Variants in CUL5 observed in about 807,000 individuals in gnomAD.
The protein encoded by CUL5 is cullin-5.
A neutral mutation model predicts 108.8 loss-of-function variants in CUL5; 26 were observed. The observed-to-expected ratio is 0.24, with a 90% CI of 0.18 to 0.33. The LOEUF (loss-of-function observed/expected upper bound fraction) is 0.33, where lower values mean the gene tolerates loss of function less well. CUL5 is among the 10% of genes least tolerant of loss of function. The pLI is 1.00. For synonymous variants in CUL5, 334 were observed against 298.0 expected, an observed-to-expected ratio of 1.12 and a Z score of -1.25; for missense variants, 524 against 909.2, an observed-to-expected ratio of 0.58 and a Z score of 5.45.
At chr11:108,098,348 TA>T in intron 17 of CUL5, 57 bp from the exon 18 acceptor site, 7 of 1,456,178 alleles carry the variant, frequency 4.8e-6, no homozygotes, top group Non-Finnish European at 6.6e-6. Context: ...ATTGTTGCTA[TA>T]ATAGGATTTT....
At position 108,089,536 on chromosome 11, in the gene CUL5, G is replaced by A; in HGVS notation, c.1356G>A (p.Arg452=). ...TACAGAACAAAGATGTTTTTATGAG[G>A]TATCATAAAGCTCATTTGACACGAC... ...KYVQNKDVFM[R]YHKAHLTRRL... Residue 452 remains arginine, a synonymous_variant, in exon 13 of 19, where the codon AGG becomes AGA. Coordinates refer to ENST00000393094, the MANE Select transcript of CUL5 (RefSeq NM_003478.6). 6.4e-7 allele frequency: 1 copy of A among 1,550,638 alleles called. No individual in the cohort carries two copies. The highest frequency in any genetic ancestry group is 1.2e-5 in the South Asian group (1 of 81,042).
At position 108,101,133 on chromosome 11, in the gene CUL5, A is replaced by G. The variant is rs138673197; in HGVS notation, c.2148+2604A>G. ...TTAATGTGACCCATAATTATGTACA[A>G]TCCAATAATCTAAGCTGTCTTTAGG... On this transcript the variant is annotated intron_variant, in intron 18 of 18. Transcript: ENST00000393094. Among the ~76,000 whole-genome samples, 851 of 152,356 alleles carry G rather than the reference A, an allele frequency of 5.6e-3. 9 individuals carry two copies. The highest frequency in any genetic ancestry group is 0.019 in the African/African-American group (808 of 41,576).
intron 3 of CUL5, among the ~76,000 whole-genome samples, chr11:108,049,290 T>G (rs564747947): frequency 6.6e-6 from 1 of 152,266 alleles, no homozygotes; most frequent in Admixed American, 6.5e-5. Context: ...CTGAATAATA[T>G]CTATTGTTTG....
At chr11:108,032,601 C>CTCTT (rs202168252) in intron 1 of CUL5, among the ~76,000 whole-genome samples, 6 of 151,346 alleles carry the variant, frequency 4.0e-5, no homozygotes, top group Non-Finnish European at 7.4e-5. Flanking sequence ...CTCTCTCTCT[C>CTCTT]TGTTTTTGGC....
chr11:108,101,681 T>G (rs531436660), intron 18 of CUL5, among the ~76,000 whole-genome samples: 1 of 152,342 alleles, frequency 6.6e-6, no homozygotes, highest in South Asian at 2.1e-4. Flanking sequence ...GTGCAGATTA[T>G]TTCCCTCATA....
intron 16 of CUL5, among the ~76,000 whole-genome samples, chr11:108,096,713 T>C (rs1457708729): frequency 6.6e-6 from 1 of 151,132 alleles, no homozygotes; most frequent in African/African-American, 2.4e-5. Context: ...ATTACAGGCA[T>C]GTGCCACCAC....
At chr11:108,097,847 TA>T in intron 17 of CUL5, 93 bp downstream of exon 17, 2 of 677,364 alleles carry the variant, frequency 3.0e-6, no homozygotes, top group Non-Finnish European at 5.2e-6. Context: ...ACATTATATT[TA>T]AAACATTATA....
chr11:108,100,477 G>A (rs1274163232), intron 18 of CUL5, among the ~76,000 whole-genome samples: 5 of 152,162 alleles, frequency 3.3e-5, no homozygotes, highest in Admixed American at 6.5e-5. Context: ...CTGGCGGGCA[G>A]AGGTTGCAGT....
Position 108,107,519 on chromosome 11 carries a change from A to G in CUL5, c.*3135A>G, listed in dbSNP as rs1005480917. The G allele has an allele frequency of 5.2e-5, 8 of 152,612 alleles. No homozygotes were observed. The highest frequency in any genetic ancestry group is 9.7e-5 in the African/African-American group (4 of 41,438). 9.5% of individuals were successfully genotyped at this position (152,612 alleles called of 1,614,324 possible). On this transcript the variant is annotated 3_prime_UTR_variant, in exon 19 of 19. Coordinates refer to ENST00000393094, the MANE Select transcript of CUL5 (RefSeq NM_003478.6). Reference sequence around the variant, plus strand: ...TGAGAGCTTTCCTGTCATCTACACTATATGTTGTCTGGAGTGTTGAACAAA... The same window carrying G: ...TGAGAGCTTTCCTGTCATCTACACTGTATGTTGTCTGGAGTGTTGAACAAA...
chr11:108,066,376 C>G (rs1863679743), intron 7 of CUL5, among the ~76,000 whole-genome samples: 1 of 151,962 alleles, frequency 6.6e-6, no homozygotes. Flanking sequence ...TATTTCATAC[C>G]CCTGATTTTT....
chr11:108,066,334 A>C (rs1476486244), intron 7 of CUL5, among the ~76,000 whole-genome samples: 1 of 151,052 alleles, frequency 6.6e-6, no homozygotes, highest in Non-Finnish European at 1.5e-5. Flanking sequence ...ACAGAGCGAG[A>C]CTCTGTCTCA....
intron 3 of CUL5, among the ~76,000 whole-genome samples, chr11:108,046,846 C>T (rs1366851538): frequency 6.6e-6 from 1 of 152,160 alleles, no homozygotes; most frequent in South Asian, 2.1e-4. Context: ...AAATTTTGAT[C>T]AAAAATCAAA....
At chr11:108,056,734 G>A (rs1863388507) in intron 7 of CUL5, among the ~76,000 whole-genome samples, 1 of 152,122 alleles carries the variant, frequency 6.6e-6, no homozygotes, top group Non-Finnish European at 1.5e-5. Flanking sequence ...GAAGTAGAAA[G>A]CATTTGCAGT....
At chr11:108,091,693 ACT>A (rs1486796618) in intron 13 of CUL5, among the ~76,000 whole-genome samples, 5 of 119,856 alleles carry the variant, frequency 4.2e-5, no homozygotes, top group African/African-American at 9.9e-5. Flanking sequence ...TGTCTCTCTC[ACT>A]CACACACACA....
intron 11 of CUL5, among the ~76,000 whole-genome samples, chr11:108,078,659 A>G (rs73000512): frequency 0.058 from 8,849 of 152,242 alleles, 380 homozygotes; most frequent in Non-Finnish European, 0.079. Context: ...CCTAGCTTAT[A>G]GAAAATCTGA....
At position 108,097,765 on chromosome 11, in the gene CUL5, T is replaced by C; in HGVS notation, c.2024+11T>C. ...GGAGTTCAGTTTAATGTAAGCTCGTTAGTTGATCTAAAATAAAAACACCTT... is the reference window on the plus strand; with the variant it reads ...GGAGTTCAGTTTAATGTAAGCTCGTCAGTTGATCTAAAATAAAAACACCTT... On this transcript the variant is annotated intron_variant, in intron 17 of 18. Coordinates refer to ENST00000393094, the MANE Select transcript of CUL5 (RefSeq NM_003478.6). The C allele has an allele frequency of 7.0e-7, 1 of 1,419,496 alleles. No homozygotes were observed. The highest frequency in any genetic ancestry group is 9.8e-7 in the Non-Finnish European group (1 of 1,016,504). The allele number at this position is 1,419,496 out of a possible 1,614,324, so 87.9% of individuals were successfully genotyped here.
rs562704695 is a variant in CUL5, at chr11:108,066,599, C to G, written c.781-3497C>G. On this transcript the variant is annotated intron_variant, in intron 7 of 18. Transcript: ENST00000393094. ...TTGTAATAAAATTGTAATAAAGTAG[C>G]TCAGATCATCTAGCCTTCATCAGTT... is the stretch of plus-strand genomic sequence containing the variant. 5.3e-5 allele frequency among the ~76,000 whole-genome samples: 8 copies of G among 152,220 alleles called. No individual in the cohort carries two copies. The East Asian group carries it at 1.5e-3, about 29-fold the overall frequency.
chr11:108,032,642 T>A (rs1429472501), intron 1 of CUL5, among the ~76,000 whole-genome samples: 1 of 152,204 alleles, frequency 6.6e-6, no homozygotes, highest in African/African-American at 2.4e-5. Flanking sequence ...TTCCTAATAT[T>A]GCACTACTTT....
At chr11:108,072,019 T>A (rs1004599418) in intron 8 of CUL5, among the ~76,000 whole-genome samples, 3 of 151,826 alleles carry the variant, frequency 2.0e-5, no homozygotes, top group Non-Finnish European at 4.4e-5. Flanking sequence ...TCTACAAAAT[T>A]ACAAAAAACA....
Sources: allele counts gnomAD v4.1 joint callset (sites outside exome capture counted in the v4.1 genomes callset), GRCh38; gene constraint gnomAD v4.1.1; transcripts MANE v1.5; gene names NCBI Gene and HGNC (gene_info 2026-07-23, HGNC 2026-07-21).